The following DPF3 variants were observed in gnomAD, a reference collection of about 807,000 sequenced individuals.
DPF3 encodes the protein zinc finger protein DPF3.
DPF3 carries 18 observed loss-of-function variants against 56.8 expected under a neutral mutation model. That is an observed-to-expected ratio of 0.32 (90% confidence interval 0.22 to 0.47). DPF3 has a LOEUF of 0.47. Among genes scored for constraint, DPF3 ranks in the 20% least tolerant of loss-of-function variants. The pLI, the probability that DPF3 is intolerant of heterozygous loss-of-function variation, is 1.00. For synonymous variants in DPF3, 188 were observed against 180.2 expected (o/e 1.04, Z -0.35); for missense variants, 403 against 488.8 (o/e 0.82, Z 1.65).
In DPF3 at chr14:72,732,082, C is replaced by T. The variant is rs143851141; in HGVS notation, c.302-148G>A. 1,060 of 1,065,606 alleles carry T rather than the reference C, an allele frequency of 9.9e-4. 5 individuals carry two copies. In the African/African-American group the frequency reaches 0.015, roughly 15 times the overall value. The allele number at this position is 1,065,606 out of a possible 1,614,324, so 66.0% of individuals were successfully genotyped here. A position where few individuals can be genotyped will look rare whatever the true frequency, so the allele number is the denominator to read the frequency against. On this transcript the variant is annotated intron_variant, in intron 3 of 10. Coordinates refer to ENST00000556509, the MANE Select transcript of DPF3 (RefSeq NM_001280542.3). ...TCCTGGAGGGAGAGGAACACTGGAG[C>T]CCTGTCCAGCTTTTCCATCTCCATT...
intron 8 of DPF3, among the ~76,000 whole-genome samples, chr14:72,660,660 C>A (rs779139366): frequency 9.9e-5 from 15 of 152,218 alleles, no homozygotes; most frequent in Non-Finnish European, 1.3e-4. Flanking sequence ...AACTTCTATT[C>A]TTGGCACAGG....
chr14:72,716,628 G>C (rs1001982710), intron 5 of DPF3, among the ~76,000 whole-genome samples: 1 of 152,140 alleles, frequency 6.6e-6, no homozygotes, highest in African/African-American at 2.4e-5. Context: ...AGACAAACAT[G>C]GTGGAGACCA....
intron 4 of DPF3, chr14:72,731,425 T>TA (rs1229687921): frequency 5.4e-6 from 1 of 185,080 alleles, no homozygotes; most frequent in East Asian, 1.6e-4. Context: ...CACGTGGCCG[T>TA]AGCTGGAGCA....
At chr14:72,658,631 G>C (rs1197964584) in intron 8 of DPF3, among the ~76,000 whole-genome samples, 3 of 152,164 alleles carry the variant, frequency 2.0e-5, no homozygotes, top group Admixed American at 1.3e-4. Flanking sequence ...AATGTTTTCT[G>C]GTGGAGCCAT....
intron 9 of DPF3, among the ~76,000 whole-genome samples, chr14:72,627,042 T>C (rs3327): frequency 0.082 from 12,436 of 152,008 alleles, 651 homozygotes; most frequent in Non-Finnish European, 0.11. Context: ...TTTTAACACT[T>C]CTTTTTATAT....
chr14:72,731,261 G>A (rs1021271930), intron 4 of DPF3, among the ~76,000 whole-genome samples: 4 of 152,178 alleles, frequency 2.6e-5, no homozygotes, highest in Non-Finnish European at 4.4e-5. Context: ...CATGGATAGA[G>A]GGTAGTGGAC....
At chr14:72,794,595 G>A (rs1012687020) in intron 1 of DPF3, among the ~76,000 whole-genome samples, 3 of 152,128 alleles carry the variant, frequency 2.0e-5, no homozygotes, top group Admixed American at 1.3e-4. Context: ...GGCATCCATT[G>A]CCTTTGTTTA....
At chr14:72,873,411 A>C (rs1195374186) in intron 1 of DPF3, among the ~76,000 whole-genome samples, 1 of 152,226 alleles carries the variant, frequency 6.6e-6, no homozygotes, top group African/African-American at 2.4e-5. Flanking sequence ...ATCATTAAAA[A>C]GTCAGGAAAC....
intron 8 of DPF3, among the ~76,000 whole-genome samples, chr14:72,673,478 CA>C: frequency 6.6e-6 from 1 of 152,170 alleles, no homozygotes; most frequent in East Asian, 1.9e-4. Flanking sequence ...CAACCATGGC[CA>C]GCCAAAAATA....
intron 1 of DPF3, among the ~76,000 whole-genome samples, chr14:72,831,861 G>A (rs1371599672): frequency 6.6e-6 from 1 of 152,226 alleles, no homozygotes; most frequent in African/African-American, 2.4e-5. Flanking sequence ...AAGCAAAGGG[G>A]ATATTGGTGT....
chr14:72,700,879 C>G (rs1297599785), intron 6 of DPF3, among the ~76,000 whole-genome samples: 1 of 152,234 alleles, frequency 6.6e-6, no homozygotes, highest in African/African-American at 2.4e-5. Context: ...GGAGTCGTGG[C>G]TGTTCTCAGC....
chr14:72,615,876 A>T lies in DPF3; in HGVS notation c.*3421T>A, dbSNP rs377057194. Among the ~76,000 whole-genome samples the T allele has an allele frequency of 4.5e-4, 68 of 152,340 alleles. No homozygotes were observed. The highest frequency in any genetic ancestry group is 1.5e-3 in the African/African-American group (64 of 41,582). On this transcript the variant is annotated 3_prime_UTR_variant, in exon 11 of 11. Transcript: ENST00000556509. ...AAAAAGCAGGGTTTCAAAAATGCCT[A>T]CAGGAAACAGGATTTCCACTTCCGG...
In DPF3 at chr14:72,612,170, T is replaced by TG. The variant is rs372577364; in HGVS notation, c.*7126dup. Reference sequence around the variant, plus strand: ...AGGGTGGACAACCATGGCAGATGAGTGGGGGGCAGCTTGGATGGACTCTGT... The same window carrying TG: ...AGGGTGGACAACCATGGCAGATGAGTGGGGGGGCAGCTTGGATGGACTCTGT... On this transcript the variant is annotated 3_prime_UTR_variant, in exon 11 of 11. Transcript: ENST00000556509. Among the ~76,000 whole-genome samples, 12 of 152,074 alleles carry TG rather than the reference T, an allele frequency of 7.9e-5. No homozygotes were observed. The highest frequency in any genetic ancestry group is 2.9e-4 in the African/African-American group (12 of 41,412).
At chr14:72,672,137 A>T (rs1190188139) in intron 8 of DPF3, among the ~76,000 whole-genome samples, 5 of 152,124 alleles carry the variant, frequency 3.3e-5, no homozygotes, top group African/African-American at 1.2e-4. Context: ...TCAGTTGTCA[A>T]ATCTCATTCA....
At chr14:72,645,169 GA>G (rs1885682462) in intron 8 of DPF3, among the ~76,000 whole-genome samples, 1 of 152,170 alleles carries the variant, frequency 6.6e-6, no homozygotes, top group Non-Finnish European at 1.5e-5. Flanking sequence ...TCCTTTCCAT[GA>G]GGCAGAAACT....
At chr14:72,852,469 G>A (rs1218403649) in intron 1 of DPF3, among the ~76,000 whole-genome samples, 1 of 152,222 alleles carries the variant, frequency 6.6e-6, no homozygotes, top group Admixed American at 6.5e-5. Flanking sequence ...GCCTGAAATG[G>A]GGAGAGGGGT....
At chr14:72,822,716 A>T (rs1883606758) in intron 1 of DPF3, among the ~76,000 whole-genome samples, 1 of 151,606 alleles carries the variant, frequency 6.6e-6, no homozygotes, top group South Asian at 2.1e-4. Context: ...AAAAACACAG[A>T]TTTTTTTTTA....
intron 8 of DPF3, among the ~76,000 whole-genome samples, chr14:72,634,955 T>G (rs952545817): frequency 2.6e-5 from 4 of 152,178 alleles, no homozygotes; most frequent in African/African-American, 9.6e-5. Flanking sequence ...AAAAACCTAG[T>G]CCTTCCCGGA....
intron 3 of DPF3, among the ~76,000 whole-genome samples, chr14:72,734,284 TA>T (rs1889797036): frequency 6.6e-6 from 1 of 152,224 alleles, no homozygotes; most frequent in Non-Finnish European, 1.5e-5. Flanking sequence ...GGGTCTACCT[TA>T]GATCAGGGAG....
Sources: gnomAD v4.1 joint callset for allele counts (sites outside exome capture counted in the v4.1 genomes callset) on GRCh38, gnomAD v4.1.1 for gene constraint, MANE v1.5 for transcripts, NCBI Gene and HGNC (gene_info 2026-07-23, HGNC 2026-07-21) for gene names.